Variants in UCP3 observed in about 807,000 individuals in gnomAD.
UCP3 encodes putative mitochondrial transporter UCP3.
Under a neutral mutation model 28.1 loss-of-function variants are expected in UCP3, and 24 were observed. The observed-to-expected ratio is 0.85, with a 90% CI of 0.62 to 1.20. UCP3 has a LOEUF of 1.20. Ranked by LOEUF, UCP3 falls within the 50% of genes most tolerant of loss-of-function variation. The probability of loss-of-function intolerance (pLI) is 0.00; values close to 1 mark genes in which losing one functional copy is unlikely to be tolerated. For missense variants in UCP3, 397 were observed against 422.2 expected (o/e 0.94, Z 0.52); for synonymous variants, 184 against 171.2 (o/e 1.07, Z -0.59).
At position 74,006,313 on chromosome 11, in the gene UCP3, T is replaced by C. The variant is rs1403443886; in HGVS notation, c.193A>G (p.Ile65Val). Reference sequence around the variant, plus strand: ...CCCTCAGTCCGCACCATGGTCAGGATGGTGCCCAGCACGCCACGGTACTGC... The same window carrying C: ...CCCTCAGTCCGCACCATGGTCAGGACGGTGCCCAGCACGCCACGGTACTGC... ...LVQYRGVLGT[I>V]LTMVRTEGPC... Residue 65 changes from isoleucine (I) to valine (V), a missense_variant, in exon 3 of 7, where the codon ATC becomes GTC. Transcript: ENST00000314032. The C allele has an allele frequency of 6.2e-7, 1 of 1,609,780 alleles. No individual in the cohort carries two copies. The highest frequency in any genetic ancestry group is 1.7e-5 in the Admixed American group (1 of 59,894).
At chr11:74,006,042 C>T in intron 3 of UCP3, 109 bp from the exon 4 acceptor site, 3 of 1,558,752 alleles carry the variant, frequency 1.9e-6, no homozygotes, top group Non-Finnish European at 1.7e-6. Context: ...CACTCAGAGC[C>T]TCCTCATAAG....
chr11:74,008,399 C>A (rs576830912), intron 1 of UCP3, among the ~76,000 whole-genome samples: 38 of 152,240 alleles, frequency 2.5e-4, no homozygotes, highest in African/African-American at 9.1e-4. Context: ...GGGAAGAGGA[C>A]CCCATTTTGA....
rs751335316 is a variant in UCP3 at position 74,001,339 on chromosome 11, C to T, written c.*73G>A. 2.1e-5 allele frequency: 29 copies of T among 1,387,660 alleles called. No homozygotes were observed. The highest frequency in any genetic ancestry group is 1.8e-4 in the Middle Eastern group (1 of 5,572). 86.0% of individuals were successfully genotyped at this position (1,387,660 alleles called of 1,614,324 possible). ...ATGTGTGGGTCTGTGTCCATGTGTG[C>T]GTGGATGCACCGTTTTCTTCCATTC... is the stretch of plus-strand genomic sequence containing the variant. On this transcript the variant is annotated 3_prime_UTR_variant, in exon 7 of 7. Transcript: ENST00000314032.
chr11:74,005,181 T>C (rs1277274467), intron 4 of UCP3, among the ~76,000 whole-genome samples: 2 of 152,220 alleles, frequency 1.3e-5, no homozygotes, highest in East Asian at 3.8e-4. Context: ...GTGGCTGCCA[T>C]GTGGACACAT....
Position 74,004,495 on chromosome 11 carries a change from T to G in UCP3, c.632A>C (p.His211Pro). 1 of 1,614,104 alleles carries G rather than the reference T, an allele frequency of 6.2e-7. No homozygotes were observed. Among genetic ancestry groups the G allele is most frequent in the African/African-American group, 1.3e-5 (1 of 75,038 alleles). The change falls in exon 5 of 7, where the codon CAC becomes CCC. Residue 211 changes from histidine to proline, a missense_variant. His to Pro is a moderately conservative substitution (Grantham distance 77). Coordinates refer to ENST00000314032, the MANE Select transcript of UCP3 (RefSeq NM_003356.4). ...GCCCAGGGCCTCACCAGTGAGCAGG[T>G]GGTAGTCCAGCAGCTTCTCCTTGAG... ...DILKEKLLDY[H>P]LLTDNFPCHF...
At chr11:74,006,098 T>G in intron 3 of UCP3, 71 bp downstream of exon 3, 5 of 1,593,060 alleles carry the variant, frequency 3.1e-6, no homozygotes, top group Non-Finnish European at 4.3e-6. Context: ...CCTCTGAGTC[T>G]AGACTTCCCT....
intron 2 of UCP3, among the ~76,000 whole-genome samples, 181 bp from the exon 3 acceptor site, chr11:74,006,560 T>C (rs1443210489): frequency 6.6e-6 from 1 of 152,226 alleles, no homozygotes; most frequent in East Asian, 1.9e-4. Flanking sequence ...ATTATACACA[T>C]GGCTTGGTGT....
intron 5 of UCP3, 132 bp downstream of exon 5, chr11:74,004,352 C>G: frequency 1.2e-6 from 1 of 865,146 alleles, no homozygotes; most frequent in South Asian, 1.7e-5. Context: ...GTACCTGGCA[C>G]TTTTTACTAG....
At chr11:74,003,434 T>C (rs1369271305) in intron 6 of UCP3, 3 of 991,210 alleles carry the variant, frequency 3.0e-6, no homozygotes, top group Non-Finnish European at 2.4e-6. Context: ...AGCCTGTAGA[T>C]GATGAGGCAT....
intron 5 of UCP3, 145 bp downstream of exon 5, chr11:74,004,339 A>C: frequency 1.3e-6 from 1 of 786,432 alleles, no homozygotes; most frequent in Non-Finnish European, 2.0e-6. Flanking sequence ...TTGTCACCAC[A>C]ATGTACCTGG....
At chr11:74,002,209 T>C (rs534652633) in intron 6 of UCP3, 181 of 154,056 alleles carry the variant, frequency 1.2e-3, no homozygotes, top group Non-Finnish European at 2.1e-3. Context: ...TCCCTGACGA[T>C]GCCAGGCCCT....
intron 6 of UCP3, 182 bp downstream of exon 6, chr11:74,003,645 T>TCCCC: frequency 7.0e-7 from 1 of 1,429,898 alleles, no homozygotes. Context: ...TCCCTAACCC[T>TCCCC]CCCCATCAGG....
chr11:74,001,774 T>A (rs558703140), intron 6 of UCP3: 2 of 471,364 alleles, frequency 4.2e-6, no homozygotes, highest in South Asian at 4.3e-5. Context: ...GGCAGCGAAT[T>A]CTCACAGTTC....
At position 74,008,117 on chromosome 11, in the gene UCP3, C is replaced by T. The variant is rs142148844; in HGVS notation, c.-96+861G>A. On this transcript the variant is annotated intron_variant, in intron 1 of 6. Coordinates refer to ENST00000314032, the MANE Select transcript of UCP3 (RefSeq NM_003356.4). ...GTAGTTGCTATTATTATTCTCATTT[C>T]GTAAACCAGGGACCTGAGGCTTCCA... 1.3e-3 allele frequency among the ~76,000 whole-genome samples: 201 copies of T among 152,324 alleles called. 1 individual carries two copies. The highest frequency in any genetic ancestry group is 4.5e-3 in the African/African-American group (188 of 41,562).
chr11:74,004,545 A>G lies in UCP3; in HGVS notation c.582T>C (p.Cys194=), dbSNP rs767795822. The G allele has an allele frequency of 2.5e-6, 4 of 1,613,932 alleles. No homozygotes were observed. The highest frequency in any genetic ancestry group is 3.4e-6 in the Non-Finnish European group (4 of 1,179,968). Residue 194 remains cysteine (C), a synonymous_variant, in exon 5 of 7, where the codon TGT becomes TGC. Coordinates refer to ENST00000314032, the MANE Select transcript of UCP3 (RefSeq NM_003356.4). ...PNIMRNAIVN[C]AEVVTYDILK... is the part of the protein sequence containing the mutation. ...GGATGTCGTAGGTCACCACCTCAGC[A>G]CAGTTGACGATAGCATTCCTCATGA...
chr11:74,005,584 C>T (rs558223370), intron 4 of UCP3, 146 bp downstream of exon 4: 1 of 943,854 alleles, frequency 1.1e-6, no homozygotes, highest in South Asian at 1.4e-5. Flanking sequence ...TGTGGCAGGT[C>T]AGTGAAGTAT....
intron 6 of UCP3, among the ~76,000 whole-genome samples, chr11:74,003,286 G>T (rs1214431495): frequency 6.6e-6 from 1 of 152,114 alleles, no homozygotes; most frequent in Non-Finnish European, 1.5e-5. Context: ...TATAATACAA[G>T]GCAGGAGGTG....
chr11:74,005,646 C>T (rs895874115), intron 4 of UCP3, 84 bp downstream of exon 4: 1 of 1,471,562 alleles, frequency 6.8e-7, no homozygotes, highest in African/African-American at 1.4e-5. Context: ...TGCTGGGAGT[C>T]CCCTCCTTAC....
chr11:74,001,336 G>T lies in UCP3; in HGVS notation c.*76C>A. The T allele has an allele frequency of 1.5e-6, 2 of 1,351,096 alleles. No homozygotes were observed. Among genetic ancestry groups the T allele is most frequent in the Non-Finnish European group, 2.1e-6 (2 of 945,894 alleles). 83.7% of individuals were successfully genotyped at this position (1,351,096 alleles called of 1,614,324 possible). ...AACATGTGTGGGTCTGTGTCCATGT[G>T]TGCGTGGATGCACCGTTTTCTTCCA... On this transcript the variant is annotated 3_prime_UTR_variant, in exon 7 of 7. Coordinates refer to ENST00000314032, the MANE Select transcript of UCP3 (RefSeq NM_003356.4).
Sources: gnomAD v4.1 joint callset for allele counts (sites outside exome capture counted in the v4.1 genomes callset) on GRCh38, gnomAD v4.1.1 for gene constraint, MANE v1.5 for transcripts, NCBI Gene and HGNC (gene_info 2026-07-23, HGNC 2026-07-21) for gene names.